Variants in ZFP14 observed in about 807,000 individuals in gnomAD.
ZFP14 encodes the protein ZFP14 zinc finger protein, also known as zinc finger protein 14 homolog.
A neutral mutation model predicts 54.5 loss-of-function variants in ZFP14; 22 were observed. The ratio of observed to expected loss-of-function variants is 0.40; its 90% CI spans 0.29 to 0.58. The LOEUF is 0.58. ZFP14 is among the 20% of genes least tolerant of loss of function. ZFP14 has a pLI of 0.39. For missense variants in ZFP14, 470 were observed against 637.8 expected (o/e 0.74, Z 2.83); for synonymous variants, 159 against 204.0 (o/e 0.78, Z 1.88).
chr19:36,379,043 C>T (rs3810326), intron 1 of ZFP14, 120 bp downstream of exon 1: 1 of 152,402 alleles, frequency 6.6e-6, no homozygotes, highest in Non-Finnish European at 1.5e-5. Flanking sequence ...CGCAACAGGG[C>T]ACCCGGCGCC....
intron 1 of ZFP14, among the ~76,000 whole-genome samples, chr19:36,372,118 A>G (rs2031889280): frequency 6.6e-6 from 1 of 151,086 alleles, no homozygotes; most frequent in Non-Finnish European, 1.5e-5. Flanking sequence ...GAAGGAAGAA[A>G]GGAAGGAAGG....
intron 4 of ZFP14, among the ~76,000 whole-genome samples, chr19:36,345,153 C>G (rs186724673): frequency 6.6e-6 from 1 of 152,302 alleles, no homozygotes; most frequent in East Asian, 1.9e-4. Context: ...ATCTTAGCTA[C>G]TCGGGAGGCT....
intron 2 of ZFP14, among the ~76,000 whole-genome samples, chr19:36,365,249 A>G (rs1325822147): frequency 6.6e-6 from 1 of 151,666 alleles, no homozygotes; most frequent in East Asian, 1.9e-4. Flanking sequence ...TTTTCCTCCA[A>G]TATAGAACTA....
At chr19:36,349,449 G>A (rs1307806958) in intron 4 of ZFP14, among the ~76,000 whole-genome samples, 2 of 150,474 alleles carry the variant, frequency 1.3e-5, no homozygotes, top group African/African-American at 4.9e-5. Flanking sequence ...TAGATCACCT[G>A]AGCTCAGGAG....
intron 2 of ZFP14, among the ~76,000 whole-genome samples, chr19:36,366,887 C>A (rs2031803028): frequency 6.6e-6 from 1 of 152,122 alleles, no homozygotes; most frequent in South Asian, 2.1e-4. Flanking sequence ...GGTGCAGTGG[C>A]TCATACCTGT....
At chr19:36,346,647 G>A (rs1426498624) in intron 4 of ZFP14, among the ~76,000 whole-genome samples, 5 of 152,172 alleles carry the variant, frequency 3.3e-5, no homozygotes, top group Admixed American at 6.5e-5. Flanking sequence ...TAGTGGAAAC[G>A]GGGTTTCACC....
chr19:36,372,116 A>G (rs559912918), intron 1 of ZFP14, among the ~76,000 whole-genome samples: 5 of 150,878 alleles, frequency 3.3e-5, no homozygotes, highest in East Asian at 2.0e-4. Flanking sequence ...AGGAAGGAAG[A>G]AAGGAAGGAA....
rs776266148 is a variant in ZFP14 at position 36,341,417 on chromosome 19, CTTG to C, written c.406_408del (p.Gln136del). ...ATTTTCACTTGCCCAAAATATCCCT[CTTG>C]TTGTTCCTTTTCCCCCTCAATCTTG... On this transcript the variant is annotated inframe_deletion, in exon 5 of 5. Transcript: ENST00000270001. This position sits in a 1 kb window ranked among gnomAD's most constrained non-coding sequence, Gnocchi z 4.2. 11 of 1,614,014 alleles carry C rather than the reference CTTG, an allele frequency of 6.8e-6. No homozygotes were observed. The highest frequency in any genetic ancestry group is 6.7e-5 in the Admixed American group (4 of 60,000).
intron 4 of ZFP14, among the ~76,000 whole-genome samples, chr19:36,344,298 C>G (rs1319746274): frequency 2.0e-5 from 3 of 152,186 alleles, no homozygotes; most frequent in Non-Finnish European, 4.4e-5. Flanking sequence ...GACACTGCAC[C>G]TGGCCATGCA....
At chr19:36,362,640 C>T (rs371510224) in intron 2 of ZFP14, among the ~76,000 whole-genome samples, 1 of 151,938 alleles carries the variant, frequency 6.6e-6, no homozygotes, top group East Asian at 1.9e-4. Flanking sequence ...TTGGGAGGCC[C>T]AGATGAGAGG....
intron 2 of ZFP14, among the ~76,000 whole-genome samples, chr19:36,365,365 A>C (rs1337144431): frequency 6.6e-6 from 1 of 151,820 alleles, no homozygotes; most frequent in Non-Finnish European, 1.5e-5. Flanking sequence ...TTTCTCCACA[A>C]TTTTCTTCAA....
In ZFP14 at chr19:36,346,593, G is replaced by A. The variant is rs148405943; in HGVS notation, c.236-5003C>T. ...CTGCCTCAGCCTCCTGAGTAGGTGG[G>A]ACTACAGGTGTTTCTACCATGCCCA... On this transcript the variant is annotated intron_variant, in intron 4 of 4. Coordinates refer to ENST00000270001, the MANE Select transcript of ZFP14 (RefSeq NM_020917.3). Among the ~76,000 whole-genome samples the A allele has an allele frequency of 2.4e-4, 36 of 152,204 alleles. No homozygotes were observed. In the East Asian group the frequency reaches 7.0e-3, roughly 30 times the overall value.
chr19:36,356,824 G>A (rs1263099901), intron 4 of ZFP14, among the ~76,000 whole-genome samples: 1 of 151,884 alleles, frequency 6.6e-6, no homozygotes, highest in African/African-American at 2.4e-5. Flanking sequence ...ATTGCTTACT[G>A]TTGCTCAGTT....
intron 2 of ZFP14, among the ~76,000 whole-genome samples, chr19:36,367,536 A>G (rs1353625114): frequency 6.6e-6 from 1 of 152,058 alleles, no homozygotes; most frequent in Non-Finnish European, 1.5e-5. Flanking sequence ...GCTGGAGTGC[A>G]GTAACGCAAT....
chr19:36,349,249 A>C (rs1005853026), intron 4 of ZFP14, among the ~76,000 whole-genome samples: 4,077 of 67,010 alleles, frequency 0.061, 381 homozygotes, highest in Non-Finnish European at 0.096. Flanking sequence ...AAAACAAAAA[A>C]AAAAAAACAA....
chr19:36,370,096 A>G (rs2031857358), intron 1 of ZFP14, among the ~76,000 whole-genome samples: 3 of 152,194 alleles, frequency 2.0e-5, no homozygotes, highest in Non-Finnish European at 4.4e-5. Context: ...GCAATTATCC[A>G]TCAACAAAAA....
At chr19:36,361,994 CT>C in intron 3 of ZFP14, 117 bp downstream of exon 3, 1 of 1,297,634 alleles carries the variant, frequency 7.7e-7, no homozygotes, top group Non-Finnish European at 1.0e-6. Context: ...TAGTTCCAAC[CT>C]GACAAAGCTT....
chr19:36,360,868 T>A (rs1432413355), intron 3 of ZFP14, among the ~76,000 whole-genome samples: 4 of 152,216 alleles, frequency 2.6e-5, no homozygotes, highest in African/African-American at 4.8e-5. Flanking sequence ...TGGCTTCACA[T>A]CCTGCCTTTG....
chr19:36,336,220 A>G lies in ZFP14; in HGVS notation c.*4004T>C, dbSNP rs1176200678. 1 of 136,020 alleles carries G rather than the reference A, an allele frequency of 7.4e-6. No individual in the cohort carries two copies. Among genetic ancestry groups the G allele is most frequent in the Non-Finnish European group, 1.6e-5 (1 of 63,360 alleles). The allele number at this position is 136,020 out of a possible 1,614,324, so 8.4% of individuals were successfully genotyped here. ...TCCATTCTCTTAATTTCTACTTTCT[A>G]CTGTTACTTGGCTGTTCCTTTTTTT... On this transcript the variant is annotated 3_prime_UTR_variant, in exon 5 of 5. Coordinates refer to ENST00000270001, the MANE Select transcript of ZFP14 (RefSeq NM_020917.3).
Sources: allele counts gnomAD v4.1 joint callset (sites outside exome capture counted in the v4.1 genomes callset), GRCh38; gene constraint gnomAD v4.1.1; non-coding constraint Gnocchi (gnomAD v3.1); transcripts MANE v1.5; gene names NCBI Gene and HGNC (gene_info 2026-07-23, HGNC 2026-07-21).